Variants in SLC8A3 observed in about 807,000 individuals in gnomAD.
The protein encoded by SLC8A3 is solute carrier family 8 member A3, also known as sodium/calcium exchanger 3.
Under a neutral mutation model 65.4 loss-of-function variants are expected in SLC8A3, and 37 were observed. That is an observed-to-expected ratio of 0.57 (90% CI 0.44 to 0.74). The LOEUF is 0.74. SLC8A3 is among the 30% of genes least tolerant of loss of function. The probability of loss-of-function intolerance (pLI) is 0.00; values close to 1 mark genes in which losing one functional copy is unlikely to be tolerated. For missense variants in SLC8A3, 1,112 were observed against 1,172.1 expected (o/e 0.95, Z 0.75); for synonymous variants, 461 against 444.5 (o/e 1.04, Z -0.47).
chr14:70,077,741 T>C (rs996220495), intron 2 of SLC8A3, among the ~76,000 whole-genome samples: 2 of 152,216 alleles, frequency 1.3e-5, no homozygotes, highest in Non-Finnish European at 2.9e-5. Context: ...TGGGTCCCAG[T>C]ACCAATTTCT....
At chr14:70,116,554 C>T (rs1408435078) in intron 2 of SLC8A3, among the ~76,000 whole-genome samples, 2 of 152,200 alleles carry the variant, frequency 1.3e-5, no homozygotes, top group Non-Finnish European at 2.9e-5. Flanking sequence ...TCACCCACTT[C>T]ATCATTGGTT....
chr14:70,119,524 G>A (rs927508061), intron 2 of SLC8A3, among the ~76,000 whole-genome samples: 3 of 152,164 alleles, frequency 2.0e-5, no homozygotes, highest in African/African-American at 7.2e-5. Context: ...TCCTCACTTT[G>A]CAGAGAATGA....
intron 2 of SLC8A3, among the ~76,000 whole-genome samples, chr14:70,118,800 G>T (rs866628397): frequency 1.3e-5 from 2 of 152,246 alleles, no homozygotes; most frequent in Middle Eastern, 3.4e-3. Flanking sequence ...GCATCAGGGG[G>T]ACATAGGTAG....
intron 2 of SLC8A3, among the ~76,000 whole-genome samples, chr14:70,075,363 C>T (rs1447560455): frequency 2.6e-5 from 4 of 152,120 alleles, no homozygotes; most frequent in Non-Finnish European, 5.9e-5. Context: ...CACGTGCCTG[C>T]CCAAGGTTTG....
At chr14:70,077,034 A>G (rs1890591681) in intron 2 of SLC8A3, among the ~76,000 whole-genome samples, 1 of 152,232 alleles carries the variant, frequency 6.6e-6, no homozygotes, top group Non-Finnish European at 1.5e-5. Flanking sequence ...AGATAATGGA[A>G]CCAAAACCCC....
chr14:70,143,547 A>G (rs534923049), intron 2 of SLC8A3, among the ~76,000 whole-genome samples: 1 of 152,170 alleles, frequency 6.6e-6, no homozygotes, highest in African/African-American at 2.4e-5. Flanking sequence ...TAAACAATAT[A>G]CTGATATCCC....
At position 70,102,585 on chromosome 14, in the gene SLC8A3, A is replaced by G. The variant is rs570568994; in HGVS notation, c.1785-41646T>C. ...AAGCAGCTATTAAAATATGTTTAAG[A>G]ACCTAATATTGTGGTCATAATGAAT... On this transcript the variant is annotated intron_variant, in intron 2 of 6. Coordinates refer to ENST00000356921, the MANE Select transcript of SLC8A3 (RefSeq NM_182932.3). Among the ~76,000 whole-genome samples the G allele has an allele frequency of 3.3e-5, 5 of 152,330 alleles. No individual in the cohort carries two copies. In the South Asian group the frequency reaches 1.0e-3, roughly 32 times the overall value.
At chr14:70,072,428 G>A (rs568939503) in intron 2 of SLC8A3, among the ~76,000 whole-genome samples, 1 of 131,622 alleles carries the variant, frequency 7.6e-6, no homozygotes, top group Non-Finnish European at 1.7e-5. Context: ...TTTTAAAGTA[G>A]ATGCCTTTTT....
intron 3 of SLC8A3, among the ~76,000 whole-genome samples, chr14:70,054,711 CTG>C (rs546563966): frequency 2.6e-5 from 4 of 152,024 alleles, no homozygotes; most frequent in Non-Finnish European, 5.9e-5. Flanking sequence ...GCTGGAGTAA[CTG>C]TGTTTTTTCC....
At chr14:70,079,502 A>G (rs1434748302) in intron 2 of SLC8A3, among the ~76,000 whole-genome samples, 6 of 143,974 alleles carry the variant, frequency 4.2e-5, no homozygotes, top group Admixed American at 4.1e-4. Context: ...GACTCCATCT[A>G]AAAAAAAAAT....
intron 2 of SLC8A3, among the ~76,000 whole-genome samples, chr14:70,095,904 T>A (rs1329200622): frequency 1.3e-5 from 2 of 151,846 alleles, no homozygotes; most frequent in South Asian, 4.2e-4. Flanking sequence ...TTCGTTGAGG[T>A]GGAATCTCGC....
intron 2 of SLC8A3, among the ~76,000 whole-genome samples, chr14:70,122,815 T>C (rs1566794199): frequency 1.3e-5 from 2 of 152,194 alleles, no homozygotes; most frequent in Non-Finnish European, 2.9e-5. Flanking sequence ...CTCACACCTG[T>C]AATTCCAGCA....
chr14:70,080,152 GC>G, intron 2 of SLC8A3: 2 of 985,386 alleles, frequency 2.0e-6, no homozygotes, highest in Non-Finnish European at 2.4e-6. Context: ...TCGTCTGGAT[GC>G]CTCTAGCTGT....
rs754703610 is a variant in SLC8A3, at chr14:70,167,034, C to T, written c.1389G>A (p.Glu463=). 2.5e-6 allele frequency: 4 copies of T among 1,613,934 alleles called. No individual in the cohort carries two copies. Among genetic ancestry groups the T allele is most frequent in the Non-Finnish European group, 3.4e-6 (4 of 1,180,002 alleles). The change falls in exon 2 of 7, where the codon GAG becomes GAA. Residue 463 remains glutamate, a synonymous_variant. Transcript: ENST00000356921. ...VVLKPGETQK[E]FSVGIIDDDI... ...CGTCATCAATTATGCCCACGGAGAA[C>T]TCCTTCTGGGTCTCTCCTGGCTTCA...
chr14:70,085,041 T>C (rs1891329139), intron 2 of SLC8A3, among the ~76,000 whole-genome samples: 2 of 152,222 alleles, frequency 1.3e-5, no homozygotes, highest in Admixed American at 1.3e-4. Context: ...ATGGGCAAAG[T>C]ATGTGATAGG....
chr14:70,101,053 T>A (rs188450875), intron 2 of SLC8A3, among the ~76,000 whole-genome samples: 1 of 152,324 alleles, frequency 6.6e-6, no homozygotes, highest in African/African-American at 2.4e-5. Context: ...AAGACAGAAG[T>A]CAATTCATTT....
At chr14:70,184,771 C>T (rs1883046142) in intron 1 of SLC8A3, among the ~76,000 whole-genome samples, 2 of 152,136 alleles carry the variant, frequency 1.3e-5, no homozygotes, top group Admixed American at 6.5e-5. Flanking sequence ...TTTTATTTGC[C>T]TCTGTACTTA....
chr14:70,170,487 C>A (rs919029234), intron 1 of SLC8A3, among the ~76,000 whole-genome samples: 1 of 152,128 alleles, frequency 6.6e-6, no homozygotes, highest in Non-Finnish European at 1.5e-5. Context: ...ATCATGGTAT[C>A]CTGAATGGTT....
intron 2 of SLC8A3, among the ~76,000 whole-genome samples, chr14:70,157,869 G>A (rs376016144): frequency 6.6e-6 from 1 of 152,202 alleles, no homozygotes; most frequent in South Asian, 2.1e-4. Flanking sequence ...GTGCTATCAT[G>A]AAGCTAGTTC....
Sources: gnomAD v4.1 joint callset for allele counts (sites outside exome capture counted in the v4.1 genomes callset) on GRCh38, gnomAD v4.1.1 for gene constraint, MANE v1.5 for transcripts, NCBI Gene and HGNC (gene_info 2026-07-23, HGNC 2026-07-21) for gene names.